The following CEP68 variants were observed in gnomAD, a reference collection of about 807,000 sequenced individuals.
CEP68 encodes the protein centrosomal protein 68.
A neutral mutation model predicts 55.3 loss-of-function variants in CEP68; 26 were observed. That is an observed-to-expected ratio of 0.47 (90% CI 0.34 to 0.65). The LOEUF is 0.65. Ranked by LOEUF, CEP68 falls within the 30% of genes least tolerant of loss-of-function variation. CEP68 has a pLI of 0.01. For synonymous variants in CEP68, 402 were observed against 383.2 expected (o/e 1.05, Z -0.57); for missense variants, 957 against 946.7 (o/e 1.01, Z -0.14).
chr2:65,066,726 C>CAAAAAAAAAAAAA (rs869096839), intron 1 of CEP68, among the ~76,000 whole-genome samples: 1 of 43,230 alleles, frequency 2.3e-5, no homozygotes, highest in Admixed American at 4.0e-4. Flanking sequence ...GACTCTGTCT[C>CAAAAAAAAAAAAA]AAAAAAAAAA....
intron 5 of CEP68, 127 bp downstream of exon 5, chr2:65,078,091 T>C (rs1676845501): frequency 3.3e-6 from 2 of 608,426 alleles, no homozygotes; most frequent in Non-Finnish European, 2.9e-6. Context: ...CTGCCCGAGA[T>C]GCCCCATGCC....
At chr2:65,063,311 TTTC>T (rs1676000312) in intron 1 of CEP68, among the ~76,000 whole-genome samples, 1 of 152,228 alleles carries the variant, frequency 6.6e-6, no homozygotes, top group Non-Finnish European at 1.5e-5. Context: ...TGTACAGACC[TTTC>T]TCAGAGGGTA....
chr2:65,063,422 T>C (rs909641429), intron 1 of CEP68, among the ~76,000 whole-genome samples: 2 of 152,218 alleles, frequency 1.3e-5, no homozygotes, highest in Admixed American at 1.3e-4. Context: ...CTGTGCCCCA[T>C]CATGGAGCTG....
At chr2:65,068,787 C>T (rs1240686665) in intron 1 of CEP68, among the ~76,000 whole-genome samples, 1 of 152,120 alleles carries the variant, frequency 6.6e-6, no homozygotes, top group African/African-American at 2.4e-5. Flanking sequence ...GAGATCATGC[C>T]ACTGCACTCC....
chr2:65,081,140 G>C (rs1253054188), intron 5 of CEP68, among the ~76,000 whole-genome samples: 1 of 151,978 alleles, frequency 6.6e-6, no homozygotes, highest in East Asian at 1.9e-4. Context: ...GAACCTGGGA[G>C]GCGGAGGTTT....
Position 65,069,488 on chromosome 2 carries a change from A to T in CEP68, c.44A>T (p.Asp15Val), listed in dbSNP as rs1676351046. The change falls in exon 2 of 7, where the codon GAC becomes GTC. Residue 15 changes from aspartate to valine, a missense_variant. Asp to Val is a radical substitution (Grantham distance 152). Coordinates refer to ENST00000377990, the MANE Select transcript of CEP68 (RefSeq NM_015147.3). ...AAGGCAGAAGCGGAAGCATCTGAAG[A>T]CACAAAGGCCCAGTCCTATGGGAGA... The part of the protein sequence containing the change: ...EEKAEAEASE[D>V]TKAQSYGRGS... 6.5e-7 allele frequency: 1 copy of T among 1,532,434 alleles called. No homozygotes were observed. The highest frequency in any genetic ancestry group is 8.8e-7 in the Non-Finnish European group (1 of 1,139,488). The allele number at this position is 1,532,434 out of a possible 1,614,324, so 94.9% of individuals were successfully genotyped here.
chr2:65,073,652 T>A (rs952228285), intron 3 of CEP68: 1 of 161,360 alleles, frequency 6.2e-6, no homozygotes, highest in African/African-American at 2.4e-5. Flanking sequence ...CTTCTTAGGA[T>A]GTTGTGTGCA....
Position 65,069,620 on chromosome 2 carries a change from A to G in CEP68, c.176A>G (p.Glu59Gly). The G allele has an allele frequency of 6.2e-7, 1 of 1,614,074 alleles. No individual in the cohort carries two copies. The highest frequency in any genetic ancestry group is 1.1e-5 in the South Asian group (1 of 91,082). ...GGLISPVWGA[E>G]GIPAPTCWIG... ...CTCATCTCCCCTGTATGGGGGGCAG[A>G]AGGGATACCTGCCCCTACTTGCTGG... Residue 59 changes from glutamate to glycine, a missense_variant, in exon 2 of 7, where the codon GAA becomes GGA. By Grantham distance (98) the Glu-to-Gly change is moderately conservative (BLOSUM62 -2). Transcript: ENST00000377990.
In CEP68 at chr2:65,085,448, C is replaced by G. The variant is rs1668998757; in HGVS notation, c.*1814C>G. ...AACTCCCTGGACCTGGCTGTGAATGCTACTGAAGAGTATCAACACAACTGT... is the reference window on the plus strand; with the variant it reads ...AACTCCCTGGACCTGGCTGTGAATGGTACTGAAGAGTATCAACACAACTGT... On this transcript the variant is annotated 3_prime_UTR_variant, in exon 7 of 7. Transcript: ENST00000377990. 1 of 152,194 alleles carries G rather than the reference C, an allele frequency of 6.6e-6. No individual in the cohort carries two copies. The highest frequency in any genetic ancestry group is 1.5e-5 in the Non-Finnish European group (1 of 68,050). The allele number at this position is 152,194 out of a possible 1,614,324, so 9.4% of individuals were successfully genotyped here. A position where few individuals can be genotyped will look rare whatever the true frequency, so the allele number is the denominator to read the frequency against.
chr2:65,068,970 G>C (rs1033156183), intron 1 of CEP68, among the ~76,000 whole-genome samples: 1 of 152,234 alleles, frequency 6.6e-6, no homozygotes, highest in Non-Finnish European at 1.5e-5. Flanking sequence ...AGAACAGTCA[G>C]AGCCAGGCCT....
rs746501565 is a variant in CEP68 at position 65,082,592 on chromosome 2, G to A, written c.2161G>A (p.Ala721Thr). The A allele has an allele frequency of 1.7e-5, 27 of 1,608,388 alleles. No homozygotes were observed. The highest frequency in any genetic ancestry group is 1.0e-4 in the South Asian group (9 of 90,356). The stretch of plus-strand genomic sequence containing the variant: ...GCAGTCTGGTGAGCTGGAGAGCCAC[G>A]CAGATCGCCTGTATGACTCTATCTT... ...AKQSGELESH[A>T]DRLYDSILAS... is the part of the protein sequence containing the mutation. The change falls in exon 6 of 7, where the codon GCA (alanine) becomes ACA (threonine). Residue 721 changes from alanine to threonine, a missense_variant. Ala to Thr is a moderately conservative substitution (Grantham distance 58). Coordinates refer to ENST00000377990, the MANE Select transcript of CEP68 (RefSeq NM_015147.3).
intron 1 of CEP68, among the ~76,000 whole-genome samples, chr2:65,060,483 AT>A: frequency 6.6e-6 from 1 of 152,274 alleles, no homozygotes; most frequent in Non-Finnish European, 1.5e-5. Context: ...TAATCCCAGC[AT>A]TTTGGGAGGC....
At chr2:65,074,639 A>C (rs1676674046) in intron 4 of CEP68, 1 of 536,562 alleles carries the variant, frequency 1.9e-6, no homozygotes, top group African/African-American at 1.9e-5. Flanking sequence ...TCAAATCAAA[A>C]ATACTTTAGG....
At chr2:65,082,224 C>T (rs960011459) in intron 5 of CEP68, among the ~76,000 whole-genome samples, 16 of 152,204 alleles carry the variant, frequency 1.1e-4, no homozygotes, top group African/African-American at 3.6e-4. Context: ...ACCTGTCTTA[C>T]CTCTAAAGTC....
Position 65,072,555 on chromosome 2 carries a change from G to A in CEP68, c.1459G>A (p.Ala487Thr), listed in dbSNP as rs571191573. 25 of 1,614,042 alleles carry A rather than the reference G, an allele frequency of 1.5e-5. No homozygotes were observed. The highest frequency in any genetic ancestry group is 2.0e-5 in the Non-Finnish European group (24 of 1,180,014). Reference protein sequence around the residue: ...ESDDEYLALPARLTQVSSLVS... With the variant: ...ESDDEYLALPTRLTQVSSLVS... ...TGATGACGAGTATCTTGCCCTCCCCGCTCGGCTGACACAGGTTTCTAGCCT... is the reference window on the plus strand; with the variant it reads ...TGATGACGAGTATCTTGCCCTCCCCACTCGGCTGACACAGGTTTCTAGCCT... The change falls in exon 3 of 7, where the codon GCT becomes ACT. Residue 487 changes from alanine (A) to threonine (T), a missense_variant. Coordinates refer to ENST00000377990, the MANE Select transcript of CEP68 (RefSeq NM_015147.3).
At chr2:65,080,767 G>A (rs977691232) in intron 5 of CEP68, among the ~76,000 whole-genome samples, 2 of 152,096 alleles carry the variant, frequency 1.3e-5, no homozygotes, top group South Asian at 2.1e-4. Context: ...GCAGTGAGCC[G>A]AGATCACGCC....
At chr2:65,062,532 C>CAAAAAAAAA (rs10700779) in intron 1 of CEP68, among the ~76,000 whole-genome samples, 1 of 66,302 alleles carries the variant, frequency 1.5e-5, no homozygotes, top group Non-Finnish European at 2.8e-5. Flanking sequence ...GACTCCATCT[C>CAAAAAAAAA]AAAAAAAAAA....
chr2:65,067,126 A>G (rs116050796), intron 1 of CEP68, among the ~76,000 whole-genome samples: 1 of 151,774 alleles, frequency 6.6e-6, no homozygotes, highest in South Asian at 2.1e-4. Flanking sequence ...GCTTATGCCT[A>G]TAATCCCAGC....
Position 65,084,540 on chromosome 2 carries a change from TG to T in CEP68, c.*908del, listed in dbSNP as rs1668973681. On this transcript the variant is annotated 3_prime_UTR_variant, in exon 7 of 7. Coordinates refer to ENST00000377990, the MANE Select transcript of CEP68 (RefSeq NM_015147.3). ...CTTTGATTAAAAAAAAAAAAAACTA[TG>T]GATCAACCATTCAAAGCATCAATTC... is the stretch of plus-strand genomic sequence containing the variant. 6.6e-6 allele frequency: 1 copy of T among 150,994 alleles called. No homozygotes were observed. The highest frequency in any genetic ancestry group is 1.5e-5 in the Non-Finnish European group (1 of 67,804). 9.4% of individuals were successfully genotyped at this position (150,994 alleles called of 1,614,324 possible).
Sources: gnomAD v4.1 joint callset for allele counts (sites outside exome capture counted in the v4.1 genomes callset) on GRCh38, gnomAD v4.1.1 for gene constraint, MANE v1.5 for transcripts, NCBI Gene and HGNC (gene_info 2026-07-23, HGNC 2026-07-21) for gene names.